DPYD: variants seen among roughly 807,000 people sequenced by gnomAD.
DPYD encodes dihydropyrimidine dehydrogenase [NADP(+)].
In DPYD, 109 loss-of-function variants were observed where a neutral mutation model predicts 116.2. That is an observed-to-expected ratio of 0.94 (90% CI 0.80 to 1.10). The LOEUF (loss-of-function observed/expected upper bound fraction) is 1.10. DPYD is among the 50% of genes least tolerant of loss of function. The pLI is 0.00. For missense variants in DPYD, 1,302 were observed against 1,254.5 expected (o/e 1.04, Z -0.57); for synonymous variants, 440 against 432.0 (o/e 1.02, Z -0.23).
At chr1:97,593,484 T>A in intron 9 of DPYD, 97 bp from the exon 10 acceptor site, 1 of 1,412,370 alleles carries the variant, frequency 7.1e-7, no homozygotes, top group Non-Finnish European at 9.9e-7. Flanking sequence ...TAAAATTGCA[T>A]CTTGCAGTTT....
chr1:97,193,050 A>G lies in DPYD; in HGVS notation c.2622+19T>C, dbSNP rs1658490157. On this transcript the variant is annotated intron_variant, in intron 20 of 22. Coordinates refer to ENST00000370192, the MANE Select transcript of DPYD (RefSeq NM_000110.4). ...AAGGCTGAGTTCTCAAGAATAACACAGGAGATTTAAGCACATACCTTGTCC... is the reference window on the plus strand; with the variant it reads ...AAGGCTGAGTTCTCAAGAATAACACGGGAGATTTAAGCACATACCTTGTCC... 1.9e-6 allele frequency: 3 copies of G among 1,612,218 alleles called. No individual in the cohort carries two copies. Among genetic ancestry groups the G allele is most frequent in the Non-Finnish European group, 2.5e-6 (3 of 1,178,410 alleles).
At chr1:97,811,842 A>G (rs558065486) in intron 3 of DPYD, among the ~76,000 whole-genome samples, 1 of 152,086 alleles carries the variant, frequency 6.6e-6, no homozygotes, top group African/African-American at 2.4e-5. Flanking sequence ...CCCTTTAATT[A>G]TCAATCACAG....
chr1:97,254,975 T>C (rs192600161), intron 18 of DPYD, among the ~76,000 whole-genome samples: 5 of 152,266 alleles, frequency 3.3e-5, no homozygotes, highest in Admixed American at 3.3e-4. Context: ...TAACACCTGG[T>C]AAAAGCTCTG....
chr1:97,830,306 G>A lies in DPYD; in HGVS notation c.151-2110C>T, dbSNP rs182570212. Among the ~76,000 whole-genome samples the A allele has an allele frequency of 9.9e-4, 150 of 152,234 alleles. 1 individual carries two copies. Among genetic ancestry groups the A allele is most frequent in the Non-Finnish European group, 1.5e-3 (102 of 67,992 alleles). On this transcript the variant is annotated intron_variant, in intron 2 of 22. Transcript: ENST00000370192. ...AATTAAAGAAATAACAAAATTATTGGACATAAATTTTTTAAGGTCCATTCC... is the reference window on the plus strand; with the variant it reads ...AATTAAAGAAATAACAAAATTATTGAACATAAATTTTTTAAGGTCCATTCC...
At chr1:97,261,846 G>A (rs754454720) in intron 18 of DPYD, among the ~76,000 whole-genome samples, 2 of 151,906 alleles carry the variant, frequency 1.3e-5, no homozygotes, top group East Asian at 1.9e-4. Flanking sequence ...TTAAAACTCC[G>A]TAAGTTTTTT....
intron 16 of DPYD, among the ~76,000 whole-genome samples, chr1:97,327,636 A>G (rs1360039187): frequency 6.6e-6 from 1 of 152,018 alleles, no homozygotes; most frequent in Non-Finnish European, 1.5e-5. Context: ...TTAGTTATAT[A>G]TCCTTCATTT....
intron 16 of DPYD, among the ~76,000 whole-genome samples, chr1:97,355,787 A>T (rs530427380): frequency 1.3e-4 from 20 of 152,152 alleles, no homozygotes; most frequent in Non-Finnish European, 2.9e-4. Flanking sequence ...ATAGTAGTCC[A>T]TTGTGTATAT....
intron 13 of DPYD, among the ~76,000 whole-genome samples, chr1:97,453,174 C>T (rs1204532710): frequency 1.3e-5 from 2 of 152,124 alleles, no homozygotes; most frequent in Non-Finnish European, 2.9e-5. Context: ...CATGCTTGAA[C>T]TTCATCTCAC....
chr1:97,697,379 A>T (rs1661366575), intron 6 of DPYD, among the ~76,000 whole-genome samples: 1 of 152,108 alleles, frequency 6.6e-6, no homozygotes, highest in Non-Finnish European at 1.5e-5. Flanking sequence ...TTTCAAATAC[A>T]AAGCTAATTT....
intron 18 of DPYD, among the ~76,000 whole-genome samples, chr1:97,298,973 A>G (rs1666704487): frequency 1.3e-5 from 2 of 152,252 alleles, no homozygotes; most frequent in East Asian, 3.9e-4. Context: ...AATATTTAAC[A>G]TAAAACTGAA....
At chr1:97,501,197 A>T (rs1428292027) in intron 13 of DPYD, among the ~76,000 whole-genome samples, 2 of 152,078 alleles carry the variant, frequency 1.3e-5, no homozygotes, top group African/African-American at 4.8e-5. Flanking sequence ...CTGTTTATAA[A>T]CTTGTCTTTT....
chr1:97,609,448 G>A (rs914811248), intron 8 of DPYD, among the ~76,000 whole-genome samples: 5 of 151,852 alleles, frequency 3.3e-5, no homozygotes, highest in Non-Finnish European at 4.4e-5. Flanking sequence ...CATTATACAA[G>A]CTCAGTAATA....
chr1:97,364,803 A>G (rs1670938923), intron 16 of DPYD, among the ~76,000 whole-genome samples: 1 of 151,858 alleles, frequency 6.6e-6, no homozygotes, highest in Non-Finnish European at 1.5e-5. Flanking sequence ...TTCAGCCAAT[A>G]CTCCTAAGTT....
chr1:97,213,807 C>T (rs1660197941), intron 19 of DPYD, among the ~76,000 whole-genome samples: 2 of 152,138 alleles, frequency 1.3e-5, no homozygotes, highest in South Asian at 4.1e-4. Context: ...TCTTCTTCCT[C>T]CTTCACTTGA....
chr1:97,288,913 G>T (rs1665930579), intron 18 of DPYD, among the ~76,000 whole-genome samples: 1 of 151,550 alleles, frequency 6.6e-6, no homozygotes, highest in Admixed American at 6.6e-5. Context: ...TTTTTTGAAA[G>T]GATCAACAAA....
chr1:97,268,652 C>A (rs545712652), intron 18 of DPYD, among the ~76,000 whole-genome samples: 2 of 152,210 alleles, frequency 1.3e-5, no homozygotes, highest in South Asian at 4.1e-4. Flanking sequence ...GCTGGGGAAG[C>A]TGAGGGTGAT....
chr1:97,839,898 G>A (rs903872208), intron 2 of DPYD, among the ~76,000 whole-genome samples: 1 of 152,130 alleles, frequency 6.6e-6, no homozygotes, highest in Non-Finnish European at 1.5e-5. Flanking sequence ...AGACTGAAAA[G>A]CATTTTATAA....
rs35564684 is a variant in DPYD, at chr1:97,353,627, GTT to G, written c.2058+19932_2058+19933del. On this transcript the variant is annotated intron_variant, in intron 16 of 22. Coordinates refer to ENST00000370192, the MANE Select transcript of DPYD (RefSeq NM_000110.4). ...ATTAATAACTGGAAAACTGCATTCT[GTT>G]TTTTTTTTTTTTTTCTATGCTACAG... Among the ~76,000 whole-genome samples the G allele has an allele frequency of 2.4e-3, 323 of 133,306 alleles. 1 individual carries two copies. Among genetic ancestry groups the G allele is most frequent in the African/African-American group, 7.8e-3 (288 of 36,688 alleles). The allele number at this position is 133,306 out of a possible 152,430, so 87.5% of individuals were successfully genotyped here. A position where few individuals can be genotyped will look rare whatever the true frequency, so the allele number is the denominator to read the frequency against.
chr1:97,888,628 A>C (rs1338251139), intron 1 of DPYD, among the ~76,000 whole-genome samples: 1 of 149,614 alleles, frequency 6.7e-6, no homozygotes, highest in Non-Finnish European at 1.5e-5. Flanking sequence ...TGAATGTAGC[A>C]AAAAAAAAAT....
Sources: allele counts gnomAD v4.1 joint callset (sites outside exome capture counted in the v4.1 genomes callset), GRCh38; gene constraint gnomAD v4.1.1; transcripts MANE v1.5; gene names NCBI Gene and HGNC (gene_info 2026-07-23, HGNC 2026-07-21).